The following MIGA2 variants were observed in gnomAD, a reference collection of about 807,000 sequenced individuals.
MIGA2 encodes the protein family with sequence similarity 73, member B.
MIGA2 carries 36 observed loss-of-function variants against 69.9 expected under a neutral mutation model. The ratio of observed to expected loss-of-function variants is 0.52; its 90% CI spans 0.39 to 0.68. The LOEUF (loss-of-function observed/expected upper bound fraction) is 0.68, where lower values mean the gene tolerates loss of function less well. MIGA2 is among the 30% of genes least tolerant of loss of function. The pLI is 0.00. For synonymous variants in MIGA2, 333 were observed against 349.2 expected (o/e 0.95, Z 0.52); for missense variants, 660 against 787.7 (o/e 0.84, Z 1.94).
rs140081973 is a variant in MIGA2, at chr9:129,052,117, C to T, written c.675+2154C>T. Among the ~76,000 whole-genome samples, 1,197 of 151,828 alleles carry T rather than the reference C, an allele frequency of 7.9e-3. 12 individuals carry two copies. The highest frequency in any genetic ancestry group is 0.027 in the African/African-American group (1,112 of 41,406). On this transcript the variant is annotated intron_variant, in intron 6 of 15. Transcript: ENST00000684074. ...CTGGGATTATAGGCGTGAGCCACCG[C>T]GCCCAGCCTGTAATTTATTTATTTT...
chr9:129,050,862 C>T (rs2131360251), intron 6 of MIGA2, among the ~76,000 whole-genome samples: 1 of 151,650 alleles, frequency 6.6e-6, no homozygotes, highest in South Asian at 2.1e-4. Context: ...TGAGCCACTG[C>T]ACCCTTTTTT....
intron 4 of MIGA2, 64 bp from the exon 5 acceptor site, chr9:129,049,317 A>AG: frequency 1.3e-6 from 2 of 1,514,094 alleles, no homozygotes; most frequent in East Asian, 2.3e-5. Context: ...AGGAGGGCTC[A>AG]GGGGGGCCCT....
In MIGA2 at chr9:129,059,172, G is replaced by C; in HGVS notation, c.694G>C (p.Glu232Gln). ...PLSEPESQRK[E>Q]FAEKLESLLH... ...ATGGCAGCCAGAGTCACAGCGGAAG[G>C]AGTTTGCAGAGAAGCTGGAGTCCCT... The change falls in exon 7 of 16, where the codon GAG becomes CAG. Residue 232 changes from glutamate to glutamine, a missense_variant. Physicochemically the swap from Glu to Gln is conservative, Grantham distance 29. Around this residue, in one of 3 missense-constraint regions of MIGA2, gnomAD observed 386 missense variants for 402.0 expected, o/e 0.96. Coordinates refer to ENST00000684074, the MANE Select transcript of MIGA2 (RefSeq NM_001329990.2). The surrounding 1 kb of genome is among the most constrained non-coding windows in gnomAD (Gnocchi z 5.6). 1 of 1,613,604 alleles carries C rather than the reference G, an allele frequency of 6.2e-7. No individual in the cohort carries two copies. The highest frequency in any genetic ancestry group is 8.5e-7 in the Non-Finnish European group (1 of 1,179,714).
intron 6 of MIGA2, among the ~76,000 whole-genome samples, chr9:129,054,965 C>T (rs1038186159): frequency 2.0e-5 from 3 of 152,194 alleles, no homozygotes; most frequent in African/African-American, 7.2e-5. Context: ...AATCTCGGCT[C>T]ACCACAACCT....
At chr9:129,045,168 G>T (rs537112295) in intron 3 of MIGA2, among the ~76,000 whole-genome samples, 1 of 139,704 alleles carries the variant, frequency 7.2e-6, no homozygotes, top group South Asian at 2.3e-4. Context: ...AAAAAAAAAC[G>T]AAGCAAAAGT....
chr9:129,055,985 C>A (rs2131370670), intron 6 of MIGA2, among the ~76,000 whole-genome samples: 1 of 151,048 alleles, frequency 6.6e-6, no homozygotes, highest in East Asian at 2.0e-4. Context: ...CCTGTCTCTA[C>A]AATAAATACA....
In MIGA2 at chr9:129,060,751, C is replaced by T. The variant is rs903348041; in HGVS notation, c.894+101C>T. 2.0e-6 allele frequency: 2 copies of T among 1,015,248 alleles called. No individual in the cohort carries two copies. The highest frequency in any genetic ancestry group is 3.2e-5 in the African/African-American group (2 of 61,926). 62.9% of individuals were successfully genotyped at this position (1,015,248 alleles called of 1,614,324 possible). Reference sequence around the variant, plus strand: ...GGGTCATGGGAAAGTGGAGGCATTTCCTCTGATGGGAGAATTTGGATGCTC... The same window carrying T: ...GGGTCATGGGAAAGTGGAGGCATTTTCTCTGATGGGAGAATTTGGATGCTC... On this transcript the variant is annotated intron_variant, in intron 8 of 15. Transcript: ENST00000684074. This position sits in a 1 kb window ranked among gnomAD's most constrained non-coding sequence, Gnocchi z 4.8.
chr9:129,057,566 C>G (rs1326495083), intron 6 of MIGA2, among the ~76,000 whole-genome samples: 13 of 151,208 alleles, frequency 8.6e-5, no homozygotes, highest in Non-Finnish European at 1.8e-4. Flanking sequence ...GCTGGGATTA[C>G]TGGTGTGAGC....
intron 11 of MIGA2, among the ~76,000 whole-genome samples, chr9:129,064,017 C>T (rs1305208335): frequency 6.6e-6 from 1 of 152,174 alleles, no homozygotes; most frequent in Non-Finnish European, 1.5e-5. Context: ...CTACTGCTCT[C>T]TTGTGAGGTT....
At position 129,049,424 on chromosome 9, in the gene MIGA2, G is replaced by T. The variant is rs764883779; in HGVS notation, c.464G>T (p.Gly155Val). Residue 155 changes from glycine (G) to valine (V), a missense_variant, in exon 5 of 16, where the codon GGA (glycine) becomes GTA (valine). By Grantham distance (109) the Gly-to-Val change is moderately radical (BLOSUM62 -3). Transcript: ENST00000684074. Reference protein sequence around the residue: ...NSSSPTAACSGLWDARGMEES... With the variant: ...NSSSPTAACSVLWDARGMEES... ...TCCAGCCCCACAGCCGCGTGCTCGG[G>T]ACTATGGGATGCCAGAGGGATGGAG... 2 of 1,613,454 alleles carry T rather than the reference G, an allele frequency of 1.2e-6. No homozygotes were observed. The highest frequency in any genetic ancestry group is 1.7e-6 in the Non-Finnish European group (2 of 1,179,792).
chr9:129,060,604 A>G lies in MIGA2; in HGVS notation c.848A>G (p.Asp283Gly). The G allele has an allele frequency of 6.2e-7, 1 of 1,605,842 alleles. No individual in the cohort carries two copies. The highest frequency in any genetic ancestry group is 1.1e-5 in the South Asian group (1 of 89,472). The change falls in exon 8 of 16, where the codon GAT becomes GGT. Residue 283 changes from aspartate (D) to glycine (G), a missense_variant. Coordinates refer to ENST00000684074, the MANE Select transcript of MIGA2 (RefSeq NM_001329990.2). The surrounding 1 kb of genome is among the most constrained non-coding windows in gnomAD (Gnocchi z 4.8). ...TEGSLRLRAD[D>G]EDSLTSEDSF... is the part of the protein sequence containing the mutation. ...GGCTCGCTGCGGCTGCGGGCGGACG[A>G]TGAGGACAGCCTGACTTCAGAGGAT...
chr9:129,054,854 T>C (rs1845713757), intron 6 of MIGA2, among the ~76,000 whole-genome samples: 2 of 152,202 alleles, frequency 1.3e-5, no homozygotes, highest in African/African-American at 2.4e-5. Context: ...CTTGGGTATA[T>C]ACCTAGGAGT....
intron 6 of MIGA2, among the ~76,000 whole-genome samples, chr9:129,052,226 A>G (rs917728455): frequency 6.6e-6 from 1 of 151,960 alleles, no homozygotes; most frequent in African/African-American, 2.4e-5. Context: ...CCTGGGTTCA[A>G]GCGATTCTGT....
intron 3 of MIGA2, among the ~76,000 whole-genome samples, chr9:129,047,983 G>A (rs142946930): frequency 3.3e-5 from 5 of 151,808 alleles, no homozygotes; most frequent in African/African-American, 1.2e-4. Context: ...CCCCCATCTC[G>A]GCCTCCCAAA....
intron 5 of MIGA2, 81 bp downstream of exon 5, chr9:129,049,579 G>T: frequency 6.9e-7 from 1 of 1,447,094 alleles, no homozygotes; most frequent in Non-Finnish European, 9.6e-7. Flanking sequence ...GCCAGTCTTG[G>T]GTCACTTTGC....
At chr9:129,067,686 G>C in intron 11 of MIGA2, 87 bp from the exon 12 acceptor site, 2 of 1,235,864 alleles carry the variant, frequency 1.6e-6, no homozygotes. Context: ...GGCCCCAGCC[G>C]TGCCTTGGCA....
At position 129,048,654 on chromosome 9, in the gene MIGA2, A is replaced by T. The variant is rs896789967; in HGVS notation, c.420+115A>T. On this transcript the variant is annotated intron_variant, in intron 4 of 15. Transcript: ENST00000684074. ...AGTCCATTCATTCATTCTCTCTCTC[A>T]CTCCTCCACCCACGCGGGCTTTCAG... 4 of 762,826 alleles carry T rather than the reference A, an allele frequency of 5.2e-6. No individual in the cohort carries two copies. The African/African-American group carries it at 5.3e-5, about 10-fold the overall frequency. 47.3% of individuals were successfully genotyped at this position (762,826 alleles called of 1,614,324 possible).
chr9:129,056,107 A>G (rs1277240077), intron 6 of MIGA2, among the ~76,000 whole-genome samples: 1 of 151,038 alleles, frequency 6.6e-6, no homozygotes, highest in Non-Finnish European at 1.5e-5. Context: ...AGCATGGGCA[A>G]CAGAGCAAGA....
rs774464703 is a variant in MIGA2, at chr9:129,042,286, G to T, written c.97-18G>T. On this transcript the variant is annotated intron_variant, in intron 2 of 15. Transcript: ENST00000684074. ...TCCCCAGGGAGGTGTAACCGGCAGC[G>T]TCTCCTCTTCCCTGCAGTCTGCATT... 1.2e-6 allele frequency: 2 copies of T among 1,609,780 alleles called. No homozygotes were observed. Among genetic ancestry groups the T allele is most frequent in the South Asian group, 2.2e-5 (2 of 90,918 alleles).
Sources: allele counts gnomAD v4.1 joint callset (sites outside exome capture counted in the v4.1 genomes callset), GRCh38; gene constraint gnomAD v4.1.1; regional missense constraint gnomAD v4.1.1; non-coding constraint Gnocchi (gnomAD v3.1); transcripts MANE v1.5; gene names NCBI Gene and HGNC (gene_info 2026-07-23, HGNC 2026-07-21).